Variants in PRELID2 observed in about 807,000 individuals in gnomAD.
The protein encoded by PRELID2 is PRELI domain-containing protein 2.
Under a neutral mutation model 28.4 loss-of-function variants are expected in PRELID2, and 25 were observed. The ratio of observed to expected loss-of-function variants is 0.88; its 90% CI spans 0.64 to 1.23. The LOEUF is 1.23. Ranked by LOEUF, PRELID2 falls within the 50% of genes most tolerant of loss-of-function variation. The pLI is 0.00. For synonymous variants in PRELID2, 76 were observed against 71.6 expected (o/e 1.06, Z -0.31); for missense variants, 201 against 214.4 (o/e 0.94, Z 0.39).
chr5:145,756,325 T>G (rs1042478067), downstream of PRELID2, among the ~76,000 whole-genome samples: 1 of 152,182 alleles, frequency 6.6e-6, no homozygotes, highest in African/African-American at 2.4e-5. Flanking sequence ...CCCCCAAAAT[T>G]AGAATGCACA....
Position 145,637,957 on chromosome 5 carries a change from C to T in PRELID2, n.70+126974G>A, listed in dbSNP as rs569893139. On this transcript the variant is annotated intron_variant and non_coding_transcript_variant, in intron 1 of 2. Transcript: ENST00000510259. ...TCCCAAATAGCTGGGATTACAGGCG[C>T]GCACCACCACATCCAGCTAATTTTT... 2.0e-3 allele frequency among the ~76,000 whole-genome samples: 306 copies of T among 152,058 alleles called. 2 individuals are homozygous for T. The highest frequency in any genetic ancestry group is 6.8e-3 in the African/African-American group (284 of 41,466).
At chr5:145,379,090 C>G in the PRELID2 span, among the ~76,000 whole-genome samples, 1 of 152,060 alleles carries the variant, frequency 6.6e-6, no homozygotes, top group African/African-American at 2.4e-5. Context: ...TTTAGGGGGC[C>G]AATGCACAGC....
chr5:145,772,205 T>C (rs1407024371), intron 5 of PRELID2, among the ~76,000 whole-genome samples: 1 of 152,058 alleles, frequency 6.6e-6, no homozygotes, highest in Non-Finnish European at 1.5e-5. Context: ...CTTTTTTTTT[T>C]TGGATGAGAC....
chr5:145,710,392 A>G (rs577397648), intron 1 of PRELID2, among the ~76,000 whole-genome samples: 1 of 152,184 alleles, frequency 6.6e-6, no homozygotes, highest in Non-Finnish European at 1.5e-5. Context: ...AAAACAATTA[A>G]CCTTTCTGGG....
chr5:145,729,393 C>T (rs368654825), intron 1 of PRELID2: 3 of 434,088 alleles, frequency 6.9e-6, no homozygotes, highest in Admixed American at 6.8e-5. Flanking sequence ...AGGCAGGTTA[C>T]CCATGAAACT....
intron 1 of PRELID2, among the ~76,000 whole-genome samples, chr5:145,525,112 A>G (rs776280086): frequency 1.3e-5 from 2 of 152,206 alleles, no homozygotes; most frequent in Non-Finnish European, 2.9e-5. Flanking sequence ...CAACCTTCAC[A>G]GTCAGGTTGT....
intron 1 of PRELID2, among the ~76,000 whole-genome samples, chr5:145,518,319 C>A (rs1225503672): frequency 6.6e-6 from 1 of 151,928 alleles, no homozygotes; most frequent in East Asian, 1.9e-4. Flanking sequence ...TCTGCCTCAC[C>A]CTCCCAAGTA....
intron 1 of PRELID2, among the ~76,000 whole-genome samples, chr5:145,724,750 T>TTA (rs111822513): frequency 0.18 from 26,158 of 141,814 alleles, 2,859 homozygotes; most frequent in African/African-American, 0.29. Flanking sequence ...ATATTATATA[T>TTA]TATATATATA....
the PRELID2 span, among the ~76,000 whole-genome samples, chr5:145,380,382 G>A: frequency 3.9e-5 from 6 of 152,220 alleles, no homozygotes; most frequent in Non-Finnish European, 7.4e-5. Flanking sequence ...TTAGGAGCAC[G>A]CCAGTTCTTA....
the PRELID2 span, among the ~76,000 whole-genome samples, chr5:145,298,316 C>T: frequency 1.3e-5 from 2 of 152,120 alleles, no homozygotes; most frequent in Non-Finnish European, 2.9e-5. Context: ...AATAACGCCG[C>T]ATATCTACAA....
chr5:145,557,447 T>C (rs1250604239), intron 1 of PRELID2, among the ~76,000 whole-genome samples: 1 of 152,166 alleles, frequency 6.6e-6, no homozygotes, highest in Non-Finnish European at 1.5e-5. Flanking sequence ...ACAGGCAATC[T>C]GGATCATGAG....
the PRELID2 span, among the ~76,000 whole-genome samples, chr5:145,298,342 C>A: frequency 6.6e-6 from 1 of 152,122 alleles, no homozygotes; most frequent in Non-Finnish European, 1.5e-5. Context: ...TGATCTTTGA[C>A]AAACCTGAGA....
chr5:145,328,738 C>T, the PRELID2 span, among the ~76,000 whole-genome samples: 1 of 151,920 alleles, frequency 6.6e-6, no homozygotes, highest in Non-Finnish European at 1.5e-5. Flanking sequence ...CTGTTCACTC[C>T]AATGACAGTT....
chr5:145,363,947 ATCT>A, the PRELID2 span, among the ~76,000 whole-genome samples: 998 of 152,180 alleles, frequency 6.6e-3, 10 homozygotes, highest in African/African-American at 0.023. Context: ...GGAGAAAAAA[ATCT>A]TCTTTGGCTG....
At chr5:145,486,678 G>T (rs1025416314) in intron 1 of PRELID2, among the ~76,000 whole-genome samples, 3 of 152,156 alleles carry the variant, frequency 2.0e-5, no homozygotes, top group Non-Finnish European at 4.4e-5. Context: ...GAAAAGCAAA[G>T]AAAATCATAA....
chr5:145,599,449 C>A (rs918481376), intron 1 of PRELID2, among the ~76,000 whole-genome samples: 6 of 152,144 alleles, frequency 3.9e-5, no homozygotes, highest in African/African-American at 1.4e-4. Flanking sequence ...ATTCTTCTTT[C>A]TTAAGGCTTT....
intron 1 of PRELID2, among the ~76,000 whole-genome samples, chr5:145,554,404 A>T (rs1347084801): frequency 6.6e-6 from 1 of 152,188 alleles, no homozygotes; most frequent in African/African-American, 2.4e-5. Flanking sequence ...ATGCATAATG[A>T]CAGAAGGACA....
chr5:145,229,465 C>A, the PRELID2 span: 3 of 919,170 alleles, frequency 3.3e-6, no homozygotes, highest in Non-Finnish European at 5.3e-6. Flanking sequence ...CAGCCAAAGC[C>A]CCCAACACCC....
At position 145,502,394 on chromosome 5, in the gene PRELID2, C is replaced by T. The variant is rs142775900; in HGVS notation, n.71-29079G>A. Among the ~76,000 whole-genome samples the T allele has an allele frequency of 9.9e-4, 150 of 152,118 alleles. 2 individuals are homozygous for T. The East Asian group carries it at 0.023, about 24-fold the overall frequency. On this transcript the variant is annotated intron_variant and non_coding_transcript_variant, in intron 1 of 2. Coordinates refer to the PRELID2 transcript ENST00000510259. The stretch of plus-strand genomic sequence containing the variant: ...CTTCTACCAGGCCCCACCTCCAACA[C>T]GAGGGATTACAATTGAATATGAGAT...
Sources: allele counts gnomAD v4.1 joint callset (sites outside exome capture counted in the v4.1 genomes callset), GRCh38; gene constraint gnomAD v4.1.1; transcripts MANE v1.5; gene names NCBI Gene and HGNC (gene_info 2026-07-23, HGNC 2026-07-21).